The following SPOCK3 variants were observed in gnomAD, a reference collection of about 807,000 sequenced individuals.
SPOCK3 encodes the protein SPARC (osteonectin), cwcv and kazal like domains proteoglycan 3, also known as testican-3.
SPOCK3 carries 30 observed loss-of-function variants against 56.6 expected under a neutral mutation model. The ratio of observed to expected loss-of-function variants is 0.53; its 90% CI spans 0.40 to 0.72. SPOCK3 has a LOEUF of 0.72. Ranked by LOEUF, SPOCK3 falls within the 30% of genes least tolerant of loss-of-function variation. The pLI is 0.00. For missense variants in SPOCK3, 527 were observed against 530.0 expected (o/e 0.99, Z 0.06); for synonymous variants, 196 against 183.3 (o/e 1.07, Z -0.56).
At chr4:166,944,654 T>C (rs148202009) in intron 4 of SPOCK3, among the ~76,000 whole-genome samples, 33 of 152,328 alleles carry the variant, frequency 2.2e-4, no homozygotes, top group African/African-American at 7.5e-4. Context: ...AAAGATTAGA[T>C]TGAGGTTCTG....
upstream of SPOCK3, chr4:167,234,520 T>A (rs1737532577): frequency 3.4e-6 from 1 of 296,146 alleles, no homozygotes. Flanking sequence ...ACTCGCTGCT[T>A]TCTGGAGCTG....
At chr4:166,767,049 G>T (rs6814508) in intron 7 of SPOCK3, among the ~76,000 whole-genome samples, 120,008 of 151,918 alleles carry the variant, frequency 0.79, 47,648 homozygotes, top group South Asian at 0.82. Context: ...CTTTATCATT[G>T]TTTATTGCAT....
At chr4:166,747,261 C>T (rs1043553731) in intron 8 of SPOCK3, among the ~76,000 whole-genome samples, 1 of 152,174 alleles carries the variant, frequency 6.6e-6, no homozygotes, top group Non-Finnish European at 1.5e-5. Context: ...CCGAATCCAG[C>T]AGCACATCAA....
At chr4:167,059,160 T>A (rs1006978260) in intron 3 of SPOCK3, among the ~76,000 whole-genome samples, 2 of 151,964 alleles carry the variant, frequency 1.3e-5, no homozygotes, top group African/African-American at 4.8e-5. Flanking sequence ...TGGGATCTAA[T>A]TAAACTAAAG....
chr4:166,795,605 T>C (rs1043632303), intron 6 of SPOCK3, among the ~76,000 whole-genome samples: 1 of 152,054 alleles, frequency 6.6e-6, no homozygotes, highest in Non-Finnish European at 1.5e-5. Flanking sequence ...AATTAGAAAG[T>C]TTAAACCATA....
At chr4:167,132,027 T>C (rs1442038369) in intron 2 of SPOCK3, among the ~76,000 whole-genome samples, 2 of 152,232 alleles carry the variant, frequency 1.3e-5, no homozygotes, top group African/African-American at 4.8e-5. Flanking sequence ...AGAAAATTTG[T>C]AAAGACTGAG....
chr4:166,801,899 G>A (rs1280480625), intron 6 of SPOCK3, among the ~76,000 whole-genome samples: 1 of 152,020 alleles, frequency 6.6e-6, no homozygotes, highest in Non-Finnish European at 1.5e-5. Context: ...CTACAGAATA[G>A]CAGACACTGC....
At chr4:166,870,395 C>T (rs1732329955) in intron 6 of SPOCK3, among the ~76,000 whole-genome samples, 1 of 151,980 alleles carries the variant, frequency 6.6e-6, no homozygotes, top group Non-Finnish European at 1.5e-5. Flanking sequence ...AATACTCCAT[C>T]CCAAACCCAA....
chr4:167,229,840 T>G (rs955609491), intron 2 of SPOCK3, among the ~76,000 whole-genome samples: 4 of 152,116 alleles, frequency 2.6e-5, no homozygotes, highest in Non-Finnish European at 5.9e-5. Flanking sequence ...CAAAGGATAT[T>G]AAACATCACT....
chr4:167,152,092 T>C (rs1764472902), intron 2 of SPOCK3, among the ~76,000 whole-genome samples: 1 of 152,168 alleles, frequency 6.6e-6, no homozygotes, highest in Admixed American at 6.5e-5. Flanking sequence ...CAACAACAGT[T>C]CTAAAAAGTG....
intron 2 of SPOCK3, among the ~76,000 whole-genome samples, chr4:167,110,786 TA>T (rs962358831): frequency 2.6e-5 from 4 of 151,930 alleles, no homozygotes; most frequent in East Asian, 1.9e-4. Context: ...TAAATATCTC[TA>T]AAAAAAATTC....
At chr4:166,864,326 G>C (rs868831985) in intron 6 of SPOCK3, among the ~76,000 whole-genome samples, 2 of 152,142 alleles carry the variant, frequency 1.3e-5, no homozygotes, top group East Asian at 1.9e-4. Flanking sequence ...ATATCAGAAG[G>C]CTGGAAAGAT....
chr4:167,018,644 A>G (rs1750877758), intron 3 of SPOCK3, among the ~76,000 whole-genome samples: 1 of 151,980 alleles, frequency 6.6e-6, no homozygotes, highest in Non-Finnish European at 1.5e-5. Context: ...TCTTCTGGAT[A>G]GGTCATTTTT....
At chr4:166,946,426 G>A (rs557815383) in intron 4 of SPOCK3, among the ~76,000 whole-genome samples, 11 of 152,246 alleles carry the variant, frequency 7.2e-5, no homozygotes, top group African/African-American at 2.4e-4. Context: ...GCTCCTGCGC[G>A]TTGGCCTTCT....
intron 2 of SPOCK3, among the ~76,000 whole-genome samples, chr4:167,187,741 T>C (rs1732125938): frequency 6.6e-6 from 1 of 152,198 alleles, no homozygotes; most frequent in Non-Finnish European, 1.5e-5. Context: ...ATGAACTCCT[T>C]TATTATCAAA....
chr4:167,008,805 A>G (rs1166437271), intron 3 of SPOCK3, among the ~76,000 whole-genome samples: 48 of 152,218 alleles, frequency 3.2e-4, no homozygotes, highest in Non-Finnish European at 2.2e-4. Context: ...ACATGGACCT[A>G]AAGATGGAAA....
At chr4:167,104,790 T>C (rs1433304211) in intron 2 of SPOCK3, among the ~76,000 whole-genome samples, 1 of 148,342 alleles carries the variant, frequency 6.7e-6, no homozygotes, top group East Asian at 2.0e-4. Context: ...AGGCATTTAA[T>C]AATGAAACTC....
At chr4:167,062,453 C>A in intron 3 of SPOCK3, 39 bp downstream of exon 3, 1 of 1,448,002 alleles carries the variant, frequency 6.9e-7, no homozygotes, top group Non-Finnish European at 9.6e-7. Flanking sequence ...TGATTATGAA[C>A]ATGTAAAGGT....
rs555168055 is a variant in SPOCK3, at chr4:167,089,429, C to A, written c.190-26892G>T. Among the ~76,000 whole-genome samples the A allele has an allele frequency of 1.4e-4, 21 of 152,010 alleles. No homozygotes were observed. The East Asian group carries it at 2.5e-3, about 18-fold the overall frequency. On this transcript the variant is annotated intron_variant, in intron 2 of 10. Transcript: ENST00000357545. ...TCAGTTTTTGCTCTGTTTTCTAATT[C>A]TTTTAGCCCGTGCACTGATATGACA...
Sources: allele counts gnomAD v4.1 joint callset (sites outside exome capture counted in the v4.1 genomes callset), GRCh38; gene constraint gnomAD v4.1.1; transcripts MANE v1.5; gene names NCBI Gene and HGNC (gene_info 2026-07-23, HGNC 2026-07-21).